RFFL: variants seen among roughly 807,000 people sequenced by gnomAD.
RFFL encodes the protein ring finger and FYVE like domain containing E3 ubiquitin protein ligase.
In RFFL, 16 loss-of-function variants were observed where a neutral mutation model predicts 40.4. That is an observed-to-expected ratio of 0.40 (90% CI 0.27 to 0.60). The LOEUF (loss-of-function observed/expected upper bound fraction) is 0.60. Among genes scored for constraint, RFFL ranks in the 20% least tolerant of loss-of-function variants. The pLI is 0.47. For synonymous variants in RFFL, 154 were observed against 167.9 expected (o/e 0.92, Z 0.64); for missense variants, 367 against 451.7 (o/e 0.81, Z 1.70).
chr17:35,080,587 A>G (rs543172269), intron 1 of RFFL, among the ~76,000 whole-genome samples: 7 of 152,326 alleles, frequency 4.6e-5, no homozygotes, highest in African/African-American at 9.6e-5. Context: ...ATCTTTTAAC[A>G]TAATCCACCA....
Position 35,016,398 on chromosome 17 carries a change from G to C in RFFL, c.858C>G (p.Tyr286Ter). ...GGTGCTGGAGTCCTTTCTGATCCTT[G>C]TATAGCCGGGTCACTCTCTCCATCA... ...WELMERVTRL[Y>*]KDQKGLQHLV... The change falls in exon 5 of 7, where the codon TAC becomes TAG. Residue 286 changes from tyrosine to a stop codon, truncating the protein, a stop_gained. Transcript: ENST00000394597. LOFTEE classifies it high-confidence loss of function. 6.2e-7 allele frequency: 1 copy of C among 1,614,130 alleles called. No individual in the cohort carries two copies. The highest frequency in any genetic ancestry group is 8.5e-7 in the Non-Finnish European group (1 of 1,180,004).
rs1183605831 is a variant in RFFL at position 35,026,541 on chromosome 17, A to T, written c.13T>A (p.Cys5Ser). 1 of 1,612,684 alleles carries T rather than the reference A, an allele frequency of 6.2e-7. No homozygotes were observed. The highest frequency in any genetic ancestry group is 1.3e-5 in the African/African-American group (1 of 74,850). Residue 5 changes from cysteine (C) to serine (S), a missense_variant, in exon 2 of 7, where the codon TGC becomes AGC. Physicochemically the swap from Cys to Ser is moderately radical, Grantham distance 112. Transcript: ENST00000394597. ...CCATCCAGGCAGAACCAGTTGCAGC[A>T]GGTTGCCCACATGATAAAATCTGGT... MWAT[C>S]CNWFCLDGQP...
Position 35,021,460 on chromosome 17 carries a change from T to C in RFFL, c.502A>G (p.Ser168Gly). The change falls in exon 3 of 7, where the codon AGC becomes GGC. Residue 168 changes from serine (S) to glycine (G), a missense_variant. By Grantham distance (56) the Ser-to-Gly change is moderately conservative (BLOSUM62 0). Transcript: ENST00000394597. ...QQAFLTQPHS[S>G]MVPPTSPNLP... ...TTGGGTGAGGTAGGTGGAACCATGC[T>C]GGAGTGAGGCTGGGTCAGGAAGGCC... The C allele has an allele frequency of 6.4e-7, 1 of 1,569,076 alleles. No individual in the cohort carries two copies.
intron 1 of RFFL, among the ~76,000 whole-genome samples, chr17:35,087,741 T>G (rs1190628295): frequency 1.3e-5 from 2 of 152,168 alleles, no homozygotes; most frequent in African/African-American, 4.8e-5. Context: ...TAAGAATACC[T>G]CTAAATAAAC....
intron 1 of RFFL, among the ~76,000 whole-genome samples, chr17:35,058,375 C>T (rs2091272401): frequency 6.6e-6 from 1 of 152,160 alleles, no homozygotes; most frequent in Non-Finnish European, 1.5e-5. Context: ...ACTCTATATG[C>T]AGCCAAATTT....
chr17:35,077,453 G>A (rs1032462825), intron 1 of RFFL, among the ~76,000 whole-genome samples: 2 of 152,196 alleles, frequency 1.3e-5, no homozygotes, highest in African/African-American at 4.8e-5. Context: ...ACATCCAAGT[G>A]CATGATTTTT....
chr17:35,056,823 T>C (rs1180809452), intron 1 of RFFL, among the ~76,000 whole-genome samples: 1 of 152,194 alleles, frequency 6.6e-6, no homozygotes, highest in East Asian at 1.9e-4. Context: ...CTCTACAGAG[T>C]AGCCAGGGTA....
chr17:35,012,999 G>A (rs1214520471), intron 6 of RFFL, among the ~76,000 whole-genome samples: 1 of 152,180 alleles, frequency 6.6e-6, no homozygotes, highest in African/African-American at 2.4e-5. Context: ...TCTTCCCAAG[G>A]GAATGACAAC....
chr17:35,038,833 T>C (rs541884014), intron 1 of RFFL, among the ~76,000 whole-genome samples: 1 of 152,344 alleles, frequency 6.6e-6, no homozygotes, highest in Non-Finnish European at 1.5e-5. Context: ...ATGTTGACTT[T>C]GTAAAAATTC....
At chr17:35,051,624 T>G (rs929619831) in intron 1 of RFFL, among the ~76,000 whole-genome samples, 4 of 152,206 alleles carry the variant, frequency 2.6e-5, no homozygotes, top group African/African-American at 9.7e-5. Flanking sequence ...AATAAAAACT[T>G]AACACAAATA....
chr17:35,083,509 G>A (rs1034464274), intron 1 of RFFL, among the ~76,000 whole-genome samples: 2 of 152,094 alleles, frequency 1.3e-5, no homozygotes, highest in African/African-American at 4.8e-5. Flanking sequence ...GGTCAGGCAC[G>A]GTGGCTCACA....
chr17:35,023,282 G>A (rs2091020743), intron 2 of RFFL, among the ~76,000 whole-genome samples: 1 of 152,240 alleles, frequency 6.6e-6, no homozygotes, highest in Non-Finnish European at 1.5e-5. Flanking sequence ...CTGGGCTGAA[G>A]TAAATGTCTG....
chr17:35,078,416 A>T lies in RFFL; in HGVS notation c.-9+10689T>A, dbSNP rs566070684. Among the ~76,000 whole-genome samples the T allele has an allele frequency of 5.4e-4, 82 of 152,164 alleles. 1 individual carries two copies. The South Asian group carries it at 0.017, about 31-fold the overall frequency. On this transcript the variant is annotated intron_variant, in intron 1 of 6. Transcript: ENST00000315249. Reference sequence around the variant, plus strand: ...CTCCTGGACTCAAGCAATCCTCCCAACTCAGACTCCTGAGTAGCTGAGACT... The same window carrying T: ...CTCCTGGACTCAAGCAATCCTCCCATCTCAGACTCCTGAGTAGCTGAGACT...
rs2090901581 is a variant in RFFL at position 35,007,215 on chromosome 17, G to A, written c.*4753C>T. On this transcript the variant is annotated 3_prime_UTR_variant, in exon 7 of 7. Transcript: ENST00000394597. ...TTACACCCAGAGTGCACACTCACAG[G>A]AAAGGGCCTCTGCTGGCTGCAGGTG... 1 of 152,254 alleles carries A rather than the reference G, an allele frequency of 6.6e-6. No individual in the cohort carries two copies. The highest frequency in any genetic ancestry group is 2.4e-5 in the African/African-American group (1 of 41,452). The allele number at this position is 152,254 out of a possible 1,614,324, so 9.4% of individuals were successfully genotyped here.
In RFFL at chr17:35,011,961, C is replaced by T; in HGVS notation, c.*7G>A. On this transcript the variant is annotated 3_prime_UTR_variant, in exon 7 of 7. Coordinates refer to ENST00000394597, the MANE Select transcript of RFFL (RefSeq NM_001017368.2). ...CTGTAAGGCACTGAAGAAACCGATG[C>T]AAGCTCTCAGGACCGGAAGACATGC... 6.2e-7 allele frequency: 1 copy of T among 1,613,294 alleles called. No homozygotes were observed.
chr17:35,009,674 T>C lies in RFFL; in HGVS notation c.*2294A>G, dbSNP rs2090923287. Reference sequence around the variant, plus strand: ...GGGGATAAAAGATTTAAAGGCAAAATGAGTAAACAACCTCAGTTTTAATTC... The same window carrying C: ...GGGGATAAAAGATTTAAAGGCAAAACGAGTAAACAACCTCAGTTTTAATTC... On this transcript the variant is annotated 3_prime_UTR_variant, in exon 7 of 7. Coordinates refer to ENST00000394597, the MANE Select transcript of RFFL (RefSeq NM_001017368.2). The C allele has an allele frequency of 6.6e-6, 1 of 151,884 alleles. No homozygotes were observed. Among genetic ancestry groups the C allele is most frequent in the Admixed American group, 6.6e-5 (1 of 15,238 alleles). The allele number at this position is 151,884 out of a possible 1,614,324, so 9.4% of individuals were successfully genotyped here.
chr17:35,085,978 A>G (rs1189276427), intron 1 of RFFL, among the ~76,000 whole-genome samples: 2 of 152,236 alleles, frequency 1.3e-5, no homozygotes, highest in Non-Finnish European at 2.9e-5. Flanking sequence ...CAGCTGTTAA[A>G]TCTTGGAAAC....
At chr17:35,055,671 C>CAAAAAAAAAAA (rs1475235052) in intron 1 of RFFL, among the ~76,000 whole-genome samples, 4 of 125,968 alleles carry the variant, frequency 3.2e-5, no homozygotes, top group African/African-American at 1.6e-4. Context: ...AACTCCATCT[C>CAAAAAAAAAAA]AAAAAAAAAC....
At chr17:35,069,693 T>C (rs2091337306) in intron 1 of RFFL, 2 of 165,710 alleles carry the variant, frequency 1.2e-5, no homozygotes, top group African/African-American at 4.8e-5. Context: ...CAGCCTTGCA[T>C]TATTTATAAT....
Sources: allele counts gnomAD v4.1 joint callset (sites outside exome capture counted in the v4.1 genomes callset), GRCh38; gene constraint gnomAD v4.1.1; transcripts MANE v1.5; gene names NCBI Gene and HGNC (gene_info 2026-07-23, HGNC 2026-07-21).